Variants in PIEZO2 observed in about 807,000 individuals in gnomAD.
PIEZO2 encodes piezo-type mechanosensitive ion channel component 2.
Under a neutral mutation model 337.3 loss-of-function variants are expected in PIEZO2, and 172 were observed. That is an observed-to-expected ratio of 0.51 (90% CI 0.45 to 0.58). The LOEUF (loss-of-function observed/expected upper bound fraction) is 0.58, where lower values mean the gene tolerates loss of function less well. Ranked by LOEUF, PIEZO2 falls within the 20% of genes least tolerant of loss-of-function variation. PIEZO2 has a pLI of 0.00. For missense variants in PIEZO2, 3,028 were observed against 3,391.3 expected (o/e 0.89, Z 2.66); for synonymous variants, 1,251 against 1,228.5 (o/e 1.02, Z -0.38).
At chr18:11,012,379 G>A (rs2035938186) in intron 2 of PIEZO2, among the ~76,000 whole-genome samples, 1 of 152,192 alleles carries the variant, frequency 6.6e-6, no homozygotes. Flanking sequence ...AGGACACTTA[G>A]AGCAGTTTAA....
intron 36 of PIEZO2, among the ~76,000 whole-genome samples, chr18:10,730,940 A>G (rs2036744811): frequency 6.6e-6 from 1 of 151,858 alleles, no homozygotes; most frequent in Non-Finnish European, 1.5e-5. Context: ...GTTAGCCAGG[A>G]TGGTCTCGAT....
At chr18:10,698,733 G>T (rs1282500113) in intron 44 of PIEZO2, among the ~76,000 whole-genome samples, 192 bp downstream of exon 44, 7 of 152,110 alleles carry the variant, frequency 4.6e-5, no homozygotes, top group Non-Finnish European at 8.8e-5. Context: ...GGTGTTTTGG[G>T]TAATGGGGTC....
At chr18:10,936,485 T>C (rs1280458583) in intron 3 of PIEZO2, among the ~76,000 whole-genome samples, 1 of 152,168 alleles carries the variant, frequency 6.6e-6, no homozygotes, top group East Asian at 1.9e-4. Context: ...AACCAGCCTG[T>C]GGCAAGTCCT....
At chr18:10,875,665 A>T (rs1022242395) in intron 4 of PIEZO2, among the ~76,000 whole-genome samples, 2 of 152,206 alleles carry the variant, frequency 1.3e-5, no homozygotes, top group Non-Finnish European at 2.9e-5. Context: ...AAGTAACAAG[A>T]ACTCCAGCTG....
intron 9 of PIEZO2, among the ~76,000 whole-genome samples, chr18:10,803,473 G>A (rs1186149768): frequency 6.6e-6 from 1 of 152,096 alleles, no homozygotes; most frequent in African/African-American, 2.4e-5. Context: ...TCAAGTAATT[G>A]TCTGCCAAAT....
Position 10,869,908 on chromosome 18 carries a change from C to T in PIEZO2, c.492+1345G>A, listed in dbSNP as rs542373440. On this transcript the variant is annotated intron_variant, in intron 5 of 55. Coordinates refer to ENST00000674853, the MANE Select transcript of PIEZO2 (RefSeq NM_001378183.1). Reference sequence around the variant, plus strand: ...ATATATTTTTTAAGACAGAGTCTCGCTCTGTCACCCAGACTGGAGGGCAGT... The same window carrying T: ...ATATATTTTTTAAGACAGAGTCTCGTTCTGTCACCCAGACTGGAGGGCAGT... Among the ~76,000 whole-genome samples the T allele has an allele frequency of 2.7e-5, 4 of 148,186 alleles. No homozygotes were observed. In the South Asian group the frequency reaches 8.3e-4, roughly 31 times the overall value.
At chr18:10,908,483 A>G (rs2030161046) in intron 4 of PIEZO2, 1 of 152,256 alleles carries the variant, frequency 6.6e-6, no homozygotes, top group Non-Finnish European at 1.5e-5. Flanking sequence ...TTTCCCTTTA[A>G]GAGAAAGAAC....
At position 10,713,675 on chromosome 18, in the gene PIEZO2, T is replaced by C. The variant is rs1018036214; in HGVS notation, c.5423+1089A>G. Among the ~76,000 whole-genome samples the C allele has an allele frequency of 2.0e-5, 3 of 152,188 alleles. No individual in the cohort carries two copies. The highest frequency in any genetic ancestry group is 7.2e-5 in the African/African-American group (3 of 41,462). On this transcript the variant is annotated intron_variant, in intron 39 of 55. Coordinates refer to ENST00000674853, the MANE Select transcript of PIEZO2 (RefSeq NM_001378183.1). This position sits in a 1 kb window ranked among gnomAD's most constrained non-coding sequence, Gnocchi z 4.5. ...CCATTTAGGGGATTACTCTTATCTT[T>C]ATATGCCTCTCCCAGAATAGAGCCC...
chr18:11,043,691 C>T (rs1239190450), intron 2 of PIEZO2, among the ~76,000 whole-genome samples: 2 of 151,920 alleles, frequency 1.3e-5, no homozygotes, highest in Non-Finnish European at 2.9e-5. Flanking sequence ...ACACAGAGAG[C>T]TTACTGATTT....
intron 4 of PIEZO2, among the ~76,000 whole-genome samples, chr18:10,873,501 C>T (rs2042189221): frequency 6.6e-6 from 1 of 152,144 alleles, no homozygotes; most frequent in African/African-American, 2.4e-5. Flanking sequence ...TTATACTTAA[C>T]AAAACTAAGT....
At position 10,954,273 on chromosome 18, in the gene PIEZO2, A is replaced by G. The variant is rs992217332; in HGVS notation, c.286+25262T>C. ...AACCTATAGATCAGTTTAGAGAGAA[A>G]GGACATTTTAACAACAGTGAGTCTT... On this transcript the variant is annotated intron_variant, in intron 3 of 55. Coordinates refer to ENST00000674853, the MANE Select transcript of PIEZO2 (RefSeq NM_001378183.1). This position sits in a 1 kb window ranked among gnomAD's most constrained non-coding sequence, Gnocchi z 4.2. Among the ~76,000 whole-genome samples the G allele has an allele frequency of 1.3e-5, 2 of 152,226 alleles. No homozygotes were observed. The highest frequency in any genetic ancestry group is 4.8e-5 in the African/African-American group (2 of 41,460).
rs904799808 is a variant in PIEZO2, at chr18:10,752,629, C to G, written c.4167+7G>C. On this transcript the variant is annotated splice_region_variant and intron_variant, in intron 28 of 55. Transcript: ENST00000674853. ...CGCAAATGTGTTATGCAGTGGCAAC[C>G]ACTTACTGACAGGATATTTTTCATC... 2 of 1,536,714 alleles carry G rather than the reference C, an allele frequency of 1.3e-6. No individual in the cohort carries two copies. The highest frequency in any genetic ancestry group is 2.7e-5 in the African/African-American group (2 of 73,044).
chr18:11,057,466 C>T (rs2037773128), intron 2 of PIEZO2, among the ~76,000 whole-genome samples: 1 of 152,072 alleles, frequency 6.6e-6, no homozygotes, highest in Non-Finnish European at 1.5e-5. Context: ...TTGATAATTC[C>T]CTTCACAACA....
intron 12 of PIEZO2, among the ~76,000 whole-genome samples, chr18:10,796,369 CA>C (rs58330881): frequency 0.62 from 89,892 of 144,502 alleles, 28,202 homozygotes; most frequent in Non-Finnish European, 0.7. Context: ...GACTCCATCT[CA>C]AAAAAAAAAA....
rs1343827402 is a variant in PIEZO2 at position 10,770,217 on chromosome 18, C to T, written c.2877G>A (p.Met959Ile). The T allele has an allele frequency of 1.3e-6, 2 of 1,537,500 alleles. No individual in the cohort carries two copies. Among genetic ancestry groups the T allele is most frequent in the Admixed American group, 2.0e-5 (1 of 50,990 alleles). The change falls in exon 21 of 56, where the codon ATG becomes ATA. Residue 959 changes from methionine to isoleucine, a missense_variant. Coordinates refer to ENST00000674853, the MANE Select transcript of PIEZO2 (RefSeq NM_001378183.1). ...LEYFHKLQVF[M>I]WWILELHIIK... ...TGATGTGCAACTCCAAAATCCACCA[C>T]ATGAACACCTGCAGCTTGTGAAAAT...
chr18:11,090,011 G>A (rs536230000), intron 1 of PIEZO2, among the ~76,000 whole-genome samples: 2 of 152,322 alleles, frequency 1.3e-5, no homozygotes, highest in African/African-American at 4.8e-5. Flanking sequence ...GGGCTTCACA[G>A]TATTGACCAG....
At chr18:10,778,240 C>T (rs1451578987) in intron 18 of PIEZO2, among the ~76,000 whole-genome samples, 1 of 152,164 alleles carries the variant, frequency 6.6e-6, no homozygotes, top group Non-Finnish European at 1.5e-5. Context: ...ATCAGCCCTA[C>T]TCAACACTGC....
At chr18:10,852,619 T>C (rs147242862) in intron 7 of PIEZO2, among the ~76,000 whole-genome samples, 2 of 152,320 alleles carry the variant, frequency 1.3e-5, no homozygotes, top group African/African-American at 4.8e-5. Context: ...TAAAACCACA[T>C]TATGATGTCT....
intron 2 of PIEZO2, among the ~76,000 whole-genome samples, chr18:10,990,298 T>C (rs2035038988): frequency 6.6e-6 from 1 of 152,192 alleles, no homozygotes; most frequent in Admixed American, 6.5e-5. Flanking sequence ...TTGATTAATT[T>C]CATATGAGGA....
Sources: gnomAD v4.1 joint callset for allele counts (sites outside exome capture counted in the v4.1 genomes callset) on GRCh38, gnomAD v4.1.1 for gene constraint, Gnocchi (gnomAD v3.1) non-coding constraint, MANE v1.5 for transcripts, NCBI Gene and HGNC (gene_info 2026-07-23, HGNC 2026-07-21) for gene names.